RASL12: variants seen among roughly 807,000 people sequenced by gnomAD.
RASL12 encodes the protein ras-like protein family member 12.
RASL12 carries 16 observed loss-of-function variants against 22.9 expected under a neutral mutation model. That is an observed-to-expected ratio of 0.70 (90% CI 0.47 to 1.06). The LOEUF (loss-of-function observed/expected upper bound fraction) is 1.06. RASL12 is among the 50% of genes least tolerant of loss of function. The pLI is 0.00. For missense variants in RASL12, 306 were observed against 353.1 expected (o/e 0.87, Z 1.07); for synonymous variants, 159 against 152.2 (o/e 1.04, Z -0.33).
downstream of RASL12, chr15:65,053,282 CTT>C: frequency 7.0e-7 from 1 of 1,428,046 alleles, no homozygotes; most frequent in Non-Finnish European, 9.1e-7. Flanking sequence ...CTTTTTCTTT[CTT>C]TCTTTTTTTT....
intron 1 of RASL12, among the ~76,000 whole-genome samples, chr15:65,065,501 A>T (rs2086865674): frequency 6.6e-6 from 1 of 152,082 alleles, no homozygotes; most frequent in Non-Finnish European, 1.5e-5. Flanking sequence ...ATTTTTTTTA[A>T]TGGCAAGGAA....
chr15:65,059,521 C>T, intron 2 of RASL12, 103 bp from the exon 3 acceptor site: 1 of 866,672 alleles, frequency 1.2e-6, no homozygotes, highest in Admixed American at 2.0e-5. Flanking sequence ...ACCTTAGCAG[C>T]TGCTCTGGGG....
intron 3 of RASL12, among the ~76,000 whole-genome samples, chr15:65,059,064 G>A (rs184726362): frequency 2.6e-4 from 39 of 152,368 alleles, no homozygotes; most frequent in Admixed American, 1.1e-3. Context: ...AAACAGGTGT[G>A]CACCTGTCTC....
At chr15:65,076,035 T>C (rs1566959199) in intron 1 of RASL12, among the ~76,000 whole-genome samples, 1 of 152,148 alleles carries the variant, frequency 6.6e-6, no homozygotes, top group South Asian at 2.1e-4. Flanking sequence ...GATGGGGACG[T>C]GGAGAACTTT....
chr15:65,075,331 C>A (rs546957899), intron 1 of RASL12, among the ~76,000 whole-genome samples: 37 of 152,354 alleles, frequency 2.4e-4, no homozygotes, highest in African/African-American at 8.9e-4. Flanking sequence ...TCCTGTGCGG[C>A]CCGAGCCTCC....
At chr15:65,073,584 C>A (rs2086946230) in intron 1 of RASL12, among the ~76,000 whole-genome samples, 1 of 152,232 alleles carries the variant, frequency 6.6e-6, no homozygotes, top group Non-Finnish European at 1.5e-5. Flanking sequence ...CACTGCTCAC[C>A]TCTGGCTGCG....
At chr15:65,076,013 TCTAA>T (rs1415974792) in intron 1 of RASL12, among the ~76,000 whole-genome samples, 2 of 152,166 alleles carry the variant, frequency 1.3e-5, no homozygotes, top group Non-Finnish European at 2.9e-5. Flanking sequence ...AAACTCTGTA[TCTAA>T]CTAATCTGAT....
At chr15:65,049,513 G>A (rs2086621319), downstream of RASL12, 1 of 152,252 alleles carries the variant, frequency 6.6e-6, no homozygotes, top group East Asian at 1.9e-4. Context: ...GGGAAACACA[G>A]GCCTGTGATT....
Position 65,054,804 on chromosome 15 carries a change from G to T in RASL12, c.*95C>A, listed in dbSNP as rs1333828241. ...CTTGGTGCTGGAGGCGGGGTCTGCTGTCCATCAGACGGAAAGGCTGGTGGT... is the reference window on the plus strand; with the variant it reads ...CTTGGTGCTGGAGGCGGGGTCTGCTTTCCATCAGACGGAAAGGCTGGTGGT... On this transcript the variant is annotated 3_prime_UTR_variant, in exon 5 of 5. Coordinates refer to ENST00000220062, the MANE Select transcript of RASL12 (RefSeq NM_016563.4). 1 of 1,519,612 alleles carries T rather than the reference G, an allele frequency of 6.6e-7. No homozygotes were observed. Among genetic ancestry groups the T allele is most frequent in the African/African-American group, 1.4e-5 (1 of 72,080 alleles). 94.1% of individuals were successfully genotyped at this position (1,519,612 alleles called of 1,614,324 possible). A position where few individuals can be genotyped will look rare whatever the true frequency, so the allele number is the denominator to read the frequency against.
At chr15:65,050,058 G>A, downstream of RASL12, 1 of 1,551,852 alleles carries the variant, frequency 6.4e-7, no homozygotes, top group Non-Finnish European at 8.7e-7. Context: ...TGGTACCCCA[G>A]GAGCTGCTGG....
downstream of RASL12, chr15:65,053,150 G>A (rs1451023630): frequency 6.2e-7 from 1 of 1,613,906 alleles, no homozygotes; most frequent in Non-Finnish European, 8.5e-7. Context: ...GGATGTACCA[G>A]AAACTGAGAG....
Position 65,053,399 on chromosome 15 carries a change from A to C in RASL12, c.*1500T>G, listed in dbSNP as rs1595902171. On this transcript the variant is annotated 3_prime_UTR_variant, in exon 5 of 5. Coordinates refer to ENST00000220062, the MANE Select transcript of RASL12 (RefSeq NM_016563.4). The stretch of plus-strand genomic sequence containing the variant: ...TGGAAGGGAGCAGGTGGTATTGCAT[A>C]GTTTGTTCAGATGGCAGTGGTACAC... The C allele has an allele frequency of 7.4e-7, 1 of 1,342,556 alleles. No homozygotes were observed. The highest frequency in any genetic ancestry group is 3.1e-5 in the East Asian group (1 of 31,926). 83.2% of individuals were successfully genotyped at this position (1,342,556 alleles called of 1,614,324 possible).
the RASL12 span, among the ~76,000 whole-genome samples, chr15:65,048,159 C>T: frequency 1.1e-4 from 16 of 148,734 alleles, no homozygotes; most frequent in South Asian, 6.4e-4. Flanking sequence ...CCAGCCTGGG[C>T]GACAGAGCAA....
chr15:65,053,422 C>CACACACACAT lies in RASL12; in HGVS notation c.*1467_*1476dup. ...ATAGTTTGTTCAGATGGCAGTGGTA[C>CACACACACAT]ACACACACATACACACACAAGTGGC... On this transcript the variant is annotated 3_prime_UTR_variant, in exon 5 of 5. Transcript: ENST00000220062. 2 of 1,286,444 alleles carry CACACACACAT rather than the reference C, an allele frequency of 1.6e-6. No individual in the cohort carries two copies. Among genetic ancestry groups the CACACACACAT allele is most frequent in the South Asian group, 3.5e-5 (2 of 57,916 alleles). The allele number at this position is 1,286,444 out of a possible 1,614,324, so 79.7% of individuals were successfully genotyped here.
At chr15:65,071,314 G>A (rs190234771), upstream of RASL12, among the ~76,000 whole-genome samples, 141 of 152,210 alleles carry the variant, frequency 9.3e-4, 3 homozygotes, top group Admixed American at 9.0e-3. Context: ...TAGGGGATGC[G>A]GAGTAGAGAG....
chr15:65,053,051 C>T, downstream of RASL12: 1 of 1,614,088 alleles, frequency 6.2e-7, no homozygotes, highest in Non-Finnish European at 8.5e-7. Flanking sequence ...CCTAAACAAC[C>T]TAAGAGAAAC....
chr15:65,046,380 G>T, the RASL12 span, among the ~76,000 whole-genome samples: 16 of 152,254 alleles, frequency 1.1e-4, no homozygotes, highest in African/African-American at 3.9e-4. Flanking sequence ...TGAGGCAGGA[G>T]AATCACTTGA....
intron 2 of RASL12, among the ~76,000 whole-genome samples, chr15:65,060,851 C>T (rs2086794610): frequency 2.0e-5 from 3 of 152,244 alleles, no homozygotes; most frequent in Admixed American, 6.5e-5. Context: ...GGTCCACTAG[C>T]ATCCAGCATG....
At chr15:65,073,647 A>T (rs1448638800) in intron 1 of RASL12, among the ~76,000 whole-genome samples, 6 of 152,152 alleles carry the variant, frequency 3.9e-5, no homozygotes, top group African/African-American at 7.2e-5. Flanking sequence ...CTGCTTTAGA[A>T]TCAGGCTGGC....
Sources: gnomAD v4.1 joint callset for allele counts (sites outside exome capture counted in the v4.1 genomes callset) on GRCh38, gnomAD v4.1.1 for gene constraint, MANE v1.5 for transcripts, NCBI Gene and HGNC (gene_info 2026-07-23, HGNC 2026-07-21) for gene names.